Variants in MTUS2 observed in about 807,000 individuals in gnomAD.
The protein encoded by MTUS2 is microtubule-associated tumor suppressor candidate 2.
In MTUS2, 40 loss-of-function variants were observed where a neutral mutation model predicts 114.1. The ratio of observed to expected loss-of-function variants is 0.35; its 90% CI spans 0.27 to 0.46. MTUS2 has a LOEUF of 0.46. Ranked by LOEUF, MTUS2 falls within the 20% of genes least tolerant of loss-of-function variation. The pLI is 1.00. For missense variants in MTUS2, 1,679 were observed against 1,705.4 expected (o/e 0.98, Z 0.27); for synonymous variants, 688 against 672.0 (o/e 1.02, Z -0.37).
At chr13:29,130,447 C>T (rs77602431) in intron 5 of MTUS2, among the ~76,000 whole-genome samples, 1 of 152,088 alleles carries the variant, frequency 6.6e-6, no homozygotes, top group Admixed American at 6.5e-5. Flanking sequence ...ATTCTTCCTT[C>T]TAGCCTTTGC....
At chr13:29,065,789 C>T (rs1016852139) in intron 4 of MTUS2, among the ~76,000 whole-genome samples, 1 of 152,272 alleles carries the variant, frequency 6.6e-6, no homozygotes, top group East Asian at 1.9e-4. Context: ...CTCTCTTAGC[C>T]TCACTTTCTT....
chr13:29,227,299 A>G (rs1017496925), intron 5 of MTUS2, among the ~76,000 whole-genome samples: 1 of 150,362 alleles, frequency 6.7e-6, no homozygotes, highest in Non-Finnish European at 1.5e-5. Context: ...AGGCAGCTTC[A>G]TCCTCAAAAA....
intron 6 of MTUS2, among the ~76,000 whole-genome samples, chr13:29,318,586 G>C (rs1900119970): frequency 1.3e-5 from 2 of 152,094 alleles, no homozygotes. Flanking sequence ...GGGCCCACAA[G>C]TCATGTTTTC....
At chr13:29,129,687 C>T (rs112634359) in intron 5 of MTUS2, among the ~76,000 whole-genome samples, 3,647 of 151,972 alleles carry the variant, frequency 0.024, 141 homozygotes, top group African/African-American at 0.083. Flanking sequence ...GGTGATGATA[C>T]GTGATTGTGA....
chr13:29,247,984 A>C (rs1896987567), intron 5 of MTUS2, among the ~76,000 whole-genome samples: 1 of 152,234 alleles, frequency 6.6e-6, no homozygotes, highest in African/African-American at 2.4e-5. Flanking sequence ...CAATTCCAAA[A>C]ATGTGGAACC....
chr13:28,894,295 A>G (rs1593277524), intron 2 of MTUS2, among the ~76,000 whole-genome samples: 5 of 4,526 alleles, frequency 1.1e-3, no homozygotes, highest in African/African-American at 2.3e-3. Flanking sequence ...GGGGGGAGAG[A>G]GAGAGAGAGG....
intron 8 of MTUS2, chr13:29,428,838 C>T: frequency 6.2e-7 from 1 of 1,613,884 alleles, no homozygotes; most frequent in Non-Finnish European, 8.5e-7. Flanking sequence ...AGCCAGCCTG[C>T]CGGGATGGGC....
chr13:29,463,860 G>A (rs1879696131), intron 9 of MTUS2, among the ~76,000 whole-genome samples: 1 of 152,174 alleles, frequency 6.6e-6, no homozygotes, highest in Non-Finnish European at 1.5e-5. Flanking sequence ...TTAGCCAGGT[G>A]TGGTGGCACG....
chr13:28,962,607 G>A (rs1813437967), intron 2 of MTUS2, among the ~76,000 whole-genome samples: 1 of 152,174 alleles, frequency 6.6e-6, no homozygotes, highest in African/African-American at 2.4e-5. Context: ...TGCAGCTGGT[G>A]TATGCCATTG....
chr13:29,415,018 C>G (rs564634868), intron 8 of MTUS2, among the ~76,000 whole-genome samples: 19 of 147,868 alleles, frequency 1.3e-4, no homozygotes, highest in South Asian at 6.5e-4. Context: ...TTTAGAAATT[C>G]TTTAATTTCA....
intron 2 of MTUS2, among the ~76,000 whole-genome samples, chr13:28,872,950 A>G (rs967899020): frequency 6.6e-6 from 1 of 152,216 alleles, no homozygotes; most frequent in African/African-American, 2.4e-5. Context: ...CCTCAAATAC[A>G]CAATTCCTTC....
At chr13:29,066,515 A>G (rs1469975705) in intron 4 of MTUS2, among the ~76,000 whole-genome samples, 1 of 152,196 alleles carries the variant, frequency 6.6e-6, no homozygotes, top group African/African-American at 2.4e-5. Context: ...TTATAGTGCA[A>G]AGGCAGCCAC....
chr13:29,337,931 G>T (rs550611898), intron 7 of MTUS2, among the ~76,000 whole-genome samples: 144 of 150,564 alleles, frequency 9.6e-4, no homozygotes, highest in African/African-American at 3.3e-3. Flanking sequence ...TGGGACTACA[G>T]GTGTGTGTCA....
intron 5 of MTUS2, among the ~76,000 whole-genome samples, chr13:29,253,014 A>G (rs1232304206): frequency 6.6e-6 from 1 of 151,926 alleles, no homozygotes; most frequent in East Asian, 1.9e-4. Context: ...TAACCTAGAA[A>G]GAGAATTGGA....
intron 2 of MTUS2, among the ~76,000 whole-genome samples, chr13:29,006,384 T>G (rs541800143): frequency 2.0e-5 from 3 of 152,342 alleles, no homozygotes; most frequent in African/African-American, 7.2e-5. Flanking sequence ...TTTAATGCAG[T>G]GACATAATAT....
chr13:29,479,050 T>G (rs917985472), intron 9 of MTUS2, among the ~76,000 whole-genome samples: 1 of 152,226 alleles, frequency 6.6e-6, no homozygotes. Flanking sequence ...TTAGGGTGTT[T>G]CAAATGCTAT....
At chr13:29,094,255 G>A (rs2138791418) in intron 4 of MTUS2, among the ~76,000 whole-genome samples, 1 of 152,090 alleles carries the variant, frequency 6.6e-6, no homozygotes, top group Admixed American at 6.5e-5. Context: ...GGTGGGGGGT[G>A]TAATTTGTGA....
At chr13:29,027,921 G>T (rs990282366) in intron 3 of MTUS2, among the ~76,000 whole-genome samples, 2 of 152,218 alleles carry the variant, frequency 1.3e-5, no homozygotes, top group Non-Finnish European at 2.9e-5. Flanking sequence ...GGAGAGCTCT[G>T]AGAGTCTCAC....
At chr13:28,938,097 T>A (rs1487682467) in intron 2 of MTUS2, among the ~76,000 whole-genome samples, 1 of 152,140 alleles carries the variant, frequency 6.6e-6, no homozygotes, top group Admixed American at 6.5e-5. Context: ...TTATTAAAAA[T>A]GTCTTGGCCG....
Sources: gnomAD v4.1 joint callset for allele counts (sites outside exome capture counted in the v4.1 genomes callset) on GRCh38, gnomAD v4.1.1 for gene constraint, MANE v1.5 for transcripts, NCBI Gene and HGNC (gene_info 2026-07-23, HGNC 2026-07-21) for gene names.